Variants in C13orf46 observed in about 807,000 individuals in gnomAD.
C13orf46 encodes chromosome 13 open reading frame 46.
the C13orf46 span, among the ~76,000 whole-genome samples, chr13:113,947,782 G>A: frequency 2.0e-5 from 3 of 152,228 alleles, no homozygotes; most frequent in East Asian, 1.9e-4. Context: ...AGCCCAGGAA[G>A]CACACAGGCT....
At chr13:113,945,344 G>A in the C13orf46 span, among the ~76,000 whole-genome samples, 603 of 152,056 alleles carry the variant, frequency 4.0e-3, 9 homozygotes, top group East Asian at 0.049. Context: ...AGGAGATAGA[G>A]ACCATCCTGG....
At chr13:113,969,799 G>A (rs1173275724) in intron 2 of C13orf46, among the ~76,000 whole-genome samples, 2 of 152,170 alleles carry the variant, frequency 1.3e-5, no homozygotes, top group African/African-American at 4.8e-5. Context: ...GAGCACTCGA[G>A]TTGTTTACAT....
At chr13:113,941,734 C>T in the C13orf46 span, among the ~76,000 whole-genome samples, 2 of 152,210 alleles carry the variant, frequency 1.3e-5, no homozygotes, top group South Asian at 2.1e-4. Flanking sequence ...CTGGGTGCTG[C>T]CCCCACTCTC....
In C13orf46 at chr13:113,961,818, G is replaced by C. The variant is rs1020142288; in HGVS notation, c.572+3109C>G. Among the ~76,000 whole-genome samples the C allele has an allele frequency of 3.2e-4, 49 of 152,274 alleles. No individual in the cohort carries two copies. In the Middle Eastern group the frequency reaches 0.01, roughly 32 times the overall value. On this transcript the variant is annotated intron_variant, in intron 6 of 6. Transcript: ENST00000636427. ...CTACTCTGGAACTATGAAGTGTGCA[G>C]AGCTGTGCGTGATCTGTGGCCCCTC...
the C13orf46 span, among the ~76,000 whole-genome samples, chr13:113,946,918 G>A: frequency 6.6e-6 from 1 of 152,264 alleles, no homozygotes; most frequent in Non-Finnish European, 1.5e-5. Context: ...AGGAGAGGAA[G>A]GCCTGGCACC....
At position 113,957,295 on chromosome 13, in the gene C13orf46, C is replaced by T. The variant is rs1407143979; in HGVS notation, c.573-456G>A. On this transcript the variant is annotated intron_variant, in intron 6 of 6. Transcript: ENST00000636427. ...TTCATCAAGCACACTGGGGGGTCTC[C>T]CCTGCACTCTGCACCCCCTTTCATC... Among the ~76,000 whole-genome samples, 3 of 143,678 alleles carry T rather than the reference C, an allele frequency of 2.1e-5. No individual in the cohort carries two copies. The East Asian group carries it at 6.5e-4, about 31-fold the overall frequency. 94.3% of individuals were successfully genotyped at this position (143,678 alleles called of 152,430 possible).
At chr13:113,945,623 A>AGAAAGAAT in the C13orf46 span, among the ~76,000 whole-genome samples, 1 of 128,912 alleles carries the variant, frequency 7.8e-6, no homozygotes, top group African/African-American at 2.9e-5. Context: ...AAAGAAAGAA[A>AGAAAGAAT]GAAAGAAAGA....
chr13:113,966,096 ATGG>A (rs2052642612), intron 5 of C13orf46, among the ~76,000 whole-genome samples: 9 of 123,596 alleles, frequency 7.3e-5, no homozygotes, highest in Non-Finnish European at 1.3e-4. Context: ...GGTATTAATG[ATGG>A]TGATGATGAT....
chr13:113,952,438 T>C (rs907427550), downstream of C13orf46, among the ~76,000 whole-genome samples: 5 of 151,858 alleles, frequency 3.3e-5, no homozygotes, highest in African/African-American at 9.7e-5. Flanking sequence ...CAGGGCTGGG[T>C]TCCAAGGGGG....
the C13orf46 span, among the ~76,000 whole-genome samples, chr13:113,940,291 A>C: frequency 9.9e-5 from 15 of 152,226 alleles, no homozygotes; most frequent in African/African-American, 2.4e-5. Context: ...TGCTGCCGCC[A>C]AGCCCCCCAC....
the C13orf46 span, chr13:113,928,153 C>T: frequency 6.6e-6 from 1 of 152,316 alleles, no homozygotes; most frequent in South Asian, 2.1e-4. Context: ...TCATTCAGCA[C>T]TACTGCAGAT....
downstream of C13orf46, among the ~76,000 whole-genome samples, chr13:113,948,757 C>T (rs2052478950): frequency 2.0e-5 from 3 of 152,294 alleles, no homozygotes; most frequent in East Asian, 3.9e-4. Context: ...AACTACAAAA[C>T]GCTACTGAGA....
the C13orf46 span, among the ~76,000 whole-genome samples, chr13:113,947,492 G>A: frequency 6.6e-6 from 1 of 152,104 alleles, no homozygotes; most frequent in Non-Finnish European, 1.5e-5. Context: ...CAGGAAGCAG[G>A]GAGCTCAGGG....
At chr13:113,934,993 G>A in the C13orf46 span, among the ~76,000 whole-genome samples, 2 of 152,230 alleles carry the variant, frequency 1.3e-5, no homozygotes, top group East Asian at 3.8e-4. Context: ...ATATTTTTGA[G>A]GAAATCCTGG....
chr13:113,967,789 G>A (rs2052664565), intron 4 of C13orf46, among the ~76,000 whole-genome samples: 1 of 152,130 alleles, frequency 6.6e-6, no homozygotes, highest in African/African-American at 2.4e-5. Context: ...CGACAAGGCA[G>A]CACTCCTGCC....
At chr13:113,959,693 A>G (rs993459447) in intron 6 of C13orf46, among the ~76,000 whole-genome samples, 11 of 152,240 alleles carry the variant, frequency 7.2e-5, no homozygotes, top group Non-Finnish European at 1.6e-4. Context: ...ACCAATGAGC[A>G]AATTATATCA....
chr13:113,934,352 G>A, the C13orf46 span, among the ~76,000 whole-genome samples: 598 of 152,262 alleles, frequency 3.9e-3, 3 homozygotes, highest in African/African-American at 0.013. Flanking sequence ...GAGTACAATC[G>A]CTGGGTCATA....
intron 6 of C13orf46, among the ~76,000 whole-genome samples, chr13:113,957,688 T>C (rs2052550322): frequency 8.1e-6 from 1 of 122,718 alleles, no homozygotes; most frequent in South Asian, 2.9e-4. Context: ...TCCTCTGCAC[T>C]CCACATGTAC....
chr13:113,971,587 G>C (rs1279556209), intron 1 of C13orf46, among the ~76,000 whole-genome samples: 3 of 152,218 alleles, frequency 2.0e-5, no homozygotes, highest in Non-Finnish European at 1.5e-5. Flanking sequence ...CTGGTCTCCT[G>C]TGCTCCGCAT....
Sources: gnomAD v4.1 joint callset for allele counts (sites outside exome capture counted in the v4.1 genomes callset) on GRCh38, gnomAD v4.1.1 for gene constraint, MANE v1.5 for transcripts, NCBI Gene and HGNC (gene_info 2026-07-23, HGNC 2026-07-21) for gene names.